Variants in EPHA6 observed in about 807,000 individuals in gnomAD.
EPHA6 encodes EPH receptor A6, also known as ephrin type-A receptor 6.
In EPHA6, 50 loss-of-function variants were observed where a neutral mutation model predicts 112.0. The observed-to-expected ratio is 0.45, with a 90% CI of 0.36 to 0.56. The LOEUF is 0.56. Ranked by LOEUF, EPHA6 falls within the 20% of genes least tolerant of loss-of-function variation. The pLI is 0.00. For synonymous variants in EPHA6, 529 were observed against 490.7 expected, an observed-to-expected ratio of 1.08 and a Z score of -1.03; for missense variants, 1,280 against 1,417.4, an observed-to-expected ratio of 0.90 and a Z score of 1.56.
chr3:97,484,430 A>T (rs1020564526), intron 10 of EPHA6, among the ~76,000 whole-genome samples: 3 of 152,222 alleles, frequency 2.0e-5, no homozygotes, highest in Non-Finnish European at 4.4e-5. Flanking sequence ...CCTCTGCAAG[A>T]CACAGAAAAG....
intron 3 of EPHA6, among the ~76,000 whole-genome samples, chr3:97,058,331 G>C (rs1029690527): frequency 2.0e-5 from 3 of 151,444 alleles, no homozygotes; most frequent in Non-Finnish European, 4.4e-5. Flanking sequence ...AAGTTTTGCT[G>C]TTGTTACCCA....
At chr3:97,373,778 A>G (rs2085199229) in intron 5 of EPHA6, among the ~76,000 whole-genome samples, 1 of 152,180 alleles carries the variant, frequency 6.6e-6, no homozygotes, top group African/African-American at 2.4e-5. Flanking sequence ...ACATTGTAGT[A>G]AAATTTTAAA....
At chr3:96,832,312 A>G (rs1379500639) in intron 1 of EPHA6, among the ~76,000 whole-genome samples, 1 of 152,066 alleles carries the variant, frequency 6.6e-6, no homozygotes, top group Non-Finnish European at 1.5e-5. Flanking sequence ...TTTTACTACT[A>G]CCATCGATAG....
intron 10 of EPHA6, among the ~76,000 whole-genome samples, chr3:97,506,213 T>G (rs2092248846): frequency 6.6e-6 from 1 of 152,226 alleles, no homozygotes. Context: ...TATTTTGGCT[T>G]TTGTTGCCAT....
chr3:97,164,183 A>G (rs1202102809), intron 3 of EPHA6, among the ~76,000 whole-genome samples: 1 of 152,164 alleles, frequency 6.6e-6, no homozygotes, highest in Non-Finnish European at 1.5e-5. Context: ...CTTGCTTCTT[A>G]TAAGTAGTGG....
chr3:96,946,902 G>C (rs1395946600), intron 2 of EPHA6, among the ~76,000 whole-genome samples: 1 of 152,110 alleles, frequency 6.6e-6, no homozygotes, highest in African/African-American at 2.4e-5. Flanking sequence ...CTGTGGTTTT[G>C]CTTTGCATTT....
chr3:97,231,757 A>T (rs1425976562), intron 4 of EPHA6, among the ~76,000 whole-genome samples: 2 of 152,176 alleles, frequency 1.3e-5, no homozygotes, highest in Non-Finnish European at 2.9e-5. Flanking sequence ...TTATGCAGAT[A>T]AAGTATCTCA....
chr3:97,163,266 G>A (rs796121633), intron 3 of EPHA6, among the ~76,000 whole-genome samples: 26 of 152,158 alleles, frequency 1.7e-4, no homozygotes, highest in African/African-American at 5.8e-4. Context: ...GGCAGGTCTG[G>A]CATTTCCAAC....
chr3:97,532,521 C>T lies in EPHA6; in HGVS notation c.2364C>T (p.Arg788=). The change falls in exon 11 of 18, where the codon CGC becomes CGT. Residue 788 remains arginine, a synonymous_variant. Coordinates refer to ENST00000389672, the MANE Select transcript of EPHA6 (RefSeq NM_001080448.3). ...AGTTTGACCATCCAAACATCATTCG[C>T]CTAGAAGGGGTTGTCACCAAAAGTA... ...MGQFDHPNII[R]LEGVVTKRSF... is the part of the protein sequence containing the mutation. 6.2e-7 allele frequency: 1 copy of T among 1,606,472 alleles called. No individual in the cohort carries two copies. Among genetic ancestry groups the T allele is most frequent in the Non-Finnish European group, 8.5e-7 (1 of 1,176,586 alleles).
chr3:97,557,952 A>C (rs577963305), intron 11 of EPHA6, among the ~76,000 whole-genome samples: 1 of 152,090 alleles, frequency 6.6e-6, no homozygotes, highest in East Asian at 1.9e-4. Flanking sequence ...TCAAGGAGCC[A>C]CCTGCTCTGG....
chr3:97,288,656 T>C (rs1043083104), intron 5 of EPHA6, among the ~76,000 whole-genome samples: 2 of 152,304 alleles, frequency 1.3e-5, no homozygotes, highest in South Asian at 2.1e-4. Context: ...TCCAAATTTC[T>C]TTCCACAGTG....
chr3:96,919,302 A>T (rs1360573762), intron 2 of EPHA6, among the ~76,000 whole-genome samples: 1 of 151,886 alleles, frequency 6.6e-6, no homozygotes, highest in Non-Finnish European at 1.5e-5. Flanking sequence ...AATTAGAAAA[A>T]CTTTTCAAGA....
chr3:97,327,962 T>C (rs1213644049), intron 5 of EPHA6, among the ~76,000 whole-genome samples: 1 of 108,056 alleles, frequency 9.3e-6, no homozygotes. Flanking sequence ...TATCTGTGTG[T>C]ATATATATGT....
At chr3:97,402,696 C>A (rs1287223173) in intron 5 of EPHA6, among the ~76,000 whole-genome samples, 1 of 152,082 alleles carries the variant, frequency 6.6e-6, no homozygotes, top group Non-Finnish European at 1.5e-5. Flanking sequence ...GCTCATATGA[C>A]AAACTTTTAT....
rs145499168 is a variant in EPHA6 at position 97,227,544 on chromosome 3, A to G, written c.1270+1125A>G. Among the ~76,000 whole-genome samples the G allele has an allele frequency of 3.3e-3, 507 of 152,274 alleles. 1 individual carries two copies. The highest frequency in any genetic ancestry group is 0.011 in the African/African-American group (472 of 41,562). ...CCGAAACTATTTTTTATGAAGAGTTACAGCTTGCAAGGTGGCCATCCTGCA... is the reference window on the plus strand; with the variant it reads ...CCGAAACTATTTTTTATGAAGAGTTGCAGCTTGCAAGGTGGCCATCCTGCA... On this transcript the variant is annotated intron_variant, in intron 4 of 17. Coordinates refer to ENST00000389672, the MANE Select transcript of EPHA6 (RefSeq NM_001080448.3).
At chr3:97,209,721 T>C (rs1353342978) in intron 3 of EPHA6, among the ~76,000 whole-genome samples, 1 of 152,176 alleles carries the variant, frequency 6.6e-6, no homozygotes, top group Non-Finnish European at 1.5e-5. Context: ...ACATTCAAAA[T>C]TGTCAGATTG....
chr3:97,690,657 G>A (rs780640399), intron 14 of EPHA6, among the ~76,000 whole-genome samples: 1 of 151,926 alleles, frequency 6.6e-6, no homozygotes, highest in Non-Finnish European at 1.5e-5. Flanking sequence ...TAGTAGAGAC[G>A]AGGTTTCGCC....
chr3:97,077,293 T>A (rs1559712586), intron 3 of EPHA6, among the ~76,000 whole-genome samples: 2 of 145,174 alleles, frequency 1.4e-5, no homozygotes, highest in Non-Finnish European at 3.0e-5. Context: ...TTTGTGGGGT[T>A]CAAGACTTCA....
chr3:97,020,886 T>C (rs1378015937), intron 3 of EPHA6, among the ~76,000 whole-genome samples: 2 of 152,116 alleles, frequency 1.3e-5, no homozygotes, highest in Admixed American at 1.3e-4. Context: ...TATATCCTAC[T>C]GCTCAAAGTC....
Sources: gnomAD v4.1 joint callset for allele counts (sites outside exome capture counted in the v4.1 genomes callset) on GRCh38, gnomAD v4.1.1 for gene constraint, MANE v1.5 for transcripts, NCBI Gene and HGNC (gene_info 2026-07-23, HGNC 2026-07-21) for gene names.